CSMD1: variants seen among roughly 807,000 people sequenced by gnomAD.
CSMD1 encodes the protein CUB and sushi domain-containing protein 1.
Under a neutral mutation model 417.5 loss-of-function variants are expected in CSMD1, and 213 were observed. The ratio of observed to expected loss-of-function variants is 0.51; its 90% CI spans 0.46 to 0.57. The LOEUF (loss-of-function observed/expected upper bound fraction) is 0.57, where lower values mean the gene tolerates loss of function less well. CSMD1 is among the 20% of genes least tolerant of loss of function. The pLI, the probability that CSMD1 is intolerant of heterozygous loss-of-function variation, is 0.00. For synonymous variants in CSMD1, 2,862 were observed against 1,736.8 expected (o/e 1.65, Z -16.11); for missense variants, 6,923 against 4,529.7 (o/e 1.53, Z -15.17).
At chr8:4,597,063 G>A (rs1007620228) in intron 2 of CSMD1, among the ~76,000 whole-genome samples, 15 of 151,930 alleles carry the variant, frequency 9.9e-5, no homozygotes, top group East Asian at 3.9e-4. Context: ...TCCCTGCCTT[G>A]GGTATGTCTT....
At chr8:4,156,206 T>C (rs1429442953) in intron 3 of CSMD1, among the ~76,000 whole-genome samples, 1 of 152,176 alleles carries the variant, frequency 6.6e-6, no homozygotes, top group Non-Finnish European at 1.5e-5. Flanking sequence ...TGGACTGGGA[T>C]CACTGTGATA....
chr8:2,947,890 T>C (rs1250996030), intron 68 of CSMD1, among the ~76,000 whole-genome samples: 1 of 152,032 alleles, frequency 6.6e-6, no homozygotes, highest in Non-Finnish European at 1.5e-5. Context: ...ATACTGTGGG[T>C]TGAATAGTGG....
At chr8:3,857,518 A>T (rs1804395327) in intron 5 of CSMD1, among the ~76,000 whole-genome samples, 1 of 152,148 alleles carries the variant, frequency 6.6e-6, no homozygotes, top group African/African-American at 2.4e-5. Context: ...ATAGTAGATG[A>T]TTTGCTTAAT....
intron 1 of CSMD1, among the ~76,000 whole-genome samples, chr8:4,680,429 A>G (rs190791836): frequency 6.6e-6 from 1 of 152,244 alleles, no homozygotes; most frequent in Admixed American, 6.5e-5. Flanking sequence ...TTGAAACTAC[A>G]TTGAGTGACG....
intron 1 of CSMD1, among the ~76,000 whole-genome samples, chr8:4,791,246 G>T (rs1272470980): frequency 6.6e-6 from 1 of 152,194 alleles, no homozygotes; most frequent in African/African-American, 2.4e-5. Flanking sequence ...GCCTGGGGTT[G>T]CAGGGGCTTT....
intron 3 of CSMD1, among the ~76,000 whole-genome samples, chr8:4,169,089 G>A (rs534422090): frequency 6.6e-6 from 1 of 152,110 alleles, no homozygotes; most frequent in Admixed American, 6.5e-5. Context: ...AAGCCTGCTG[G>A]CTTAGTCCTT....
chr8:3,445,959 C>G (rs77021358), intron 12 of CSMD1, among the ~76,000 whole-genome samples: 2,471 of 152,258 alleles, frequency 0.016, 59 homozygotes, highest in African/African-American at 0.054. Flanking sequence ...GATGAAATGA[C>G]TGCTTGTTCT....
chr8:3,709,883 G>A lies in CSMD1; in HGVS notation c.932-1392C>T, dbSNP rs1306729255. ...TGTGTGTGTGTACACATGCACATAA[G>A]GAGATTCATATAGATATGAAGTATA... On this transcript the variant is annotated intron_variant, in intron 6 of 69. Coordinates refer to ENST00000635120, the MANE Select transcript of CSMD1 (RefSeq NM_033225.6). Among the ~76,000 whole-genome samples, 4 of 150,252 alleles carry A rather than the reference G, an allele frequency of 2.7e-5. No homozygotes were observed. The South Asian group carries it at 6.4e-4, about 24-fold the overall frequency.
intron 3 of CSMD1, among the ~76,000 whole-genome samples, chr8:4,408,993 G>A (rs936336136): frequency 6.6e-6 from 1 of 152,162 alleles, no homozygotes; most frequent in African/African-American, 2.4e-5. Context: ...TTTGCCGACT[G>A]ATTTAAGAAC....
At chr8:4,216,696 C>A (rs957467235) in intron 3 of CSMD1, among the ~76,000 whole-genome samples, 3 of 151,974 alleles carry the variant, frequency 2.0e-5, no homozygotes, top group Admixed American at 1.3e-4. Context: ...CATGTAAGCA[C>A]CAGTCATCTA....
intron 2 of CSMD1, among the ~76,000 whole-genome samples, chr8:4,591,280 C>T (rs114805369): frequency 2.3e-4 from 35 of 152,278 alleles, no homozygotes; most frequent in African/African-American, 8.2e-4. Flanking sequence ...ATGTGAAGTA[C>T]GAAGTCGAAC....
chr8:4,177,348 T>C (rs1255800503), intron 3 of CSMD1, among the ~76,000 whole-genome samples: 3 of 151,734 alleles, frequency 2.0e-5, no homozygotes, highest in African/African-American at 4.8e-5. Context: ...CATAACGAAA[T>C]GACGGCAGAA....
chr8:3,933,067 TA>T (rs5889001), intron 5 of CSMD1, among the ~76,000 whole-genome samples: 114,679 of 146,168 alleles, frequency 0.78, 46,148 homozygotes, highest in Middle Eastern at 0.81. Flanking sequence ...ATTATCTCAT[TA>T]AAAAAAAACA....
At chr8:3,557,586 C>T (rs1799212245) in intron 10 of CSMD1, among the ~76,000 whole-genome samples, 1 of 152,180 alleles carries the variant, frequency 6.6e-6, no homozygotes, top group South Asian at 2.1e-4. Flanking sequence ...GAATTGGCCC[C>T]AACAGCCTCT....
rs1030010161 is a variant in CSMD1 at position 4,064,209 on chromosome 8, G to C, written c.416-32110C>G. Among the ~76,000 whole-genome samples, 5 of 152,314 alleles carry C rather than the reference G, an allele frequency of 3.3e-5. No individual in the cohort carries two copies. The East Asian group carries it at 7.7e-4, about 24-fold the overall frequency. ...CATTAGGAGCTTTCACCATGGCTCA[G>C]ATTTGTTTCTGCATCCCAGTGGTCA... On this transcript the variant is annotated intron_variant, in intron 3 of 69. Coordinates refer to ENST00000635120, the MANE Select transcript of CSMD1 (RefSeq NM_033225.6).
chr8:3,349,031 C>G (rs758289944), intron 21 of CSMD1, among the ~76,000 whole-genome samples: 1 of 152,192 alleles, frequency 6.6e-6, no homozygotes, highest in Non-Finnish European at 1.5e-5. Flanking sequence ...GAGAGCTCCA[C>G]AGGAGTCTGC....
chr8:3,677,609 T>C (rs1011416956), intron 7 of CSMD1, among the ~76,000 whole-genome samples: 1 of 152,112 alleles, frequency 6.6e-6, no homozygotes, highest in African/African-American at 2.4e-5. Context: ...GCCCTCTGAG[T>C]TTAGAACCTC....
rs566710981 is a variant in CSMD1, at chr8:4,917,193, G to C, written c.85+77139C>G. On this transcript the variant is annotated intron_variant, in intron 1 of 69. Transcript: ENST00000635120. ...GGAGGAAGACAGAGAGAAGTGGGAG[G>C]TGCTACACACTTTAAAATAAGCAGA... Among the ~76,000 whole-genome samples, 5 of 152,244 alleles carry C rather than the reference G, an allele frequency of 3.3e-5. No individual in the cohort carries two copies. In the East Asian group the frequency reaches 9.7e-4, roughly 29 times the overall value.
At position 3,091,541 on chromosome 8, in the gene CSMD1, C is replaced by T. The variant is rs187291214; in HGVS notation, c.7260G>A (p.Lys2420=). Residue 2420 remains lysine (K), a synonymous_variant, in exon 48 of 70, where the codon AAG becomes AAA. Coordinates refer to ENST00000635120, the MANE Select transcript of CSMD1 (RefSeq NM_033225.6). ...LRWSTDHATS[K]KGFKIRYAAP... is the part of the protein sequence containing the mutation. ...CTGCATAGCGAATCTTGAATCCTTT[C>T]TTACTGGTGGCATGGTCAGTGGACC... The T allele has an allele frequency of 6.2e-7, 1 of 1,606,118 alleles. No individual in the cohort carries two copies. The highest frequency in any genetic ancestry group is 1.3e-5 in the African/African-American group (1 of 74,772).
Sources: allele counts gnomAD v4.1 joint callset (sites outside exome capture counted in the v4.1 genomes callset), GRCh38; gene constraint gnomAD v4.1.1; transcripts MANE v1.5; gene names NCBI Gene and HGNC (gene_info 2026-07-23, HGNC 2026-07-21).